Variants in GDAP1 observed in about 807,000 individuals in gnomAD.
GDAP1 encodes the protein ganglioside-induced differentiation-associated protein 1.
GDAP1 carries 34 observed loss-of-function variants against 40.1 expected under a neutral mutation model. That is an observed-to-expected ratio of 0.85 (90% CI 0.64 to 1.13). The LOEUF is 1.13. Among genes scored for constraint, GDAP1 ranks in the 50% most tolerant of loss-of-function variants. GDAP1 has a pLI of 0.00. For missense variants in GDAP1, 374 were observed against 433.7 expected, an observed-to-expected ratio of 0.86 and a Z score of 1.22; for synonymous variants, 170 against 157.4, an observed-to-expected ratio of 1.08 and a Z score of -0.60.
chr8:74,353,986 A>G (rs11986639), intron 2 of GDAP1, among the ~76,000 whole-genome samples: 6,333 of 152,222 alleles, frequency 0.042, 435 homozygotes, highest in African/African-American at 0.14. Flanking sequence ...TGTGCCAGGC[A>G]TGGTTCTAGA....
chr8:74,364,720 G>T lies in GDAP1; in HGVS notation c.*353G>T, dbSNP rs1027109078. ...TCACATTTAGTTACTTGTGGCTACT[G>T]CCCACACATACACTTCTGTAATTGA... On this transcript the variant is annotated 3_prime_UTR_variant, in exon 6 of 6. Transcript: ENST00000220822. 33 of 470,976 alleles carry T rather than the reference G, an allele frequency of 7.0e-5. No homozygotes were observed. Among genetic ancestry groups the T allele is most frequent in the Middle Eastern group, 6.3e-4 (1 of 1,588 alleles). 29.2% of individuals were successfully genotyped at this position (470,976 alleles called of 1,614,324 possible).
intron 2 of GDAP1, among the ~76,000 whole-genome samples, chr8:74,428,425 A>AT (rs1411170153): frequency 7.3e-5 from 11 of 151,188 alleles, no homozygotes; most frequent in Admixed American, 2.0e-4. Context: ...GGGTGTCCAC[A>AT]TTTTACATGA....
At position 74,417,876 on chromosome 8, in the gene GDAP1, ATATC is replaced by A. The variant is rs1563463819; in HGVS notation, c.165+66560_165+66563del. The stretch of plus-strand genomic sequence containing the variant: ...CAAAGAATGTAAGATAAACACATGA[ATATC>A]TATCCTACTTTTATATGCTAGGAAT... On this transcript the variant is annotated intron_variant, in intron 2 of 2. Transcript: ENST00000523640. Among the ~76,000 whole-genome samples the A allele has an allele frequency of 4.6e-5, 7 of 152,308 alleles. No homozygotes were observed. The South Asian group carries it at 1.0e-3, about 23-fold the overall frequency.
Position 74,366,830 on chromosome 8 carries a change from A to G in GDAP1, c.*2463A>G, listed in dbSNP as rs9643686. 6.1e-4 allele frequency: 275 copies of G among 448,234 alleles called. 1 individual carries two copies. In the East Asian group the frequency reaches 0.015, roughly 24 times the overall value. The allele number at this position is 448,234 out of a possible 1,614,324, so 27.8% of individuals were successfully genotyped here. On this transcript the variant is annotated 3_prime_UTR_variant, in exon 6 of 6. Transcript: ENST00000220822. ...TAGAGAGACCAAGACACTATTCTGT[A>G]AGATCAATAAAAGTAATTGGAAAAT...
chr8:74,360,506 T>A (rs2131513358), intron 3 of GDAP1, among the ~76,000 whole-genome samples, 196 bp downstream of exon 3: 1 of 152,356 alleles, frequency 6.6e-6, no homozygotes, highest in South Asian at 2.1e-4. Context: ...ATTGGACATT[T>A]ATTGTCTATA....
At chr8:74,476,125 C>T (rs1806626068) in intron 2 of GDAP1, among the ~76,000 whole-genome samples, 1 of 152,020 alleles carries the variant, frequency 6.6e-6, no homozygotes. Flanking sequence ...TTTCTGTTTT[C>T]CTCTTGGTTG....
chr8:74,477,074 A>G (rs1360953564), intron 2 of GDAP1, among the ~76,000 whole-genome samples: 1 of 152,106 alleles, frequency 6.6e-6, no homozygotes, highest in Non-Finnish European at 1.5e-5. Context: ...TTGGTCTATC[A>G]TTCTGTTAAT....
At chr8:74,475,902 T>A (rs746956721) in intron 2 of GDAP1, among the ~76,000 whole-genome samples, 12 of 152,190 alleles carry the variant, frequency 7.9e-5, no homozygotes, top group Admixed American at 3.3e-4. Context: ...CTCATTATTA[T>A]TGTGTGGGAG....
In GDAP1 at chr8:74,364,137, G is replaced by T; in HGVS notation, c.847G>T (p.Val283Phe). ...RPNLETYYERVLKRKTFNKVL... is the reference protein window; with the variant it reads ...RPNLETYYERFLKRKTFNKVL... The stretch of plus-strand genomic sequence containing the variant: ...AAACTTGGAAACCTATTACGAGCGT[G>T]TCTTGAAGAGAAAAACATTTAACAA... Residue 283 changes from valine to phenylalanine, a missense_variant, in exon 6 of 6, where the codon GTC becomes TTC. Val to Phe is a conservative substitution (Grantham distance 50). Coordinates refer to ENST00000220822, the MANE Select transcript of GDAP1 (RefSeq NM_018972.4). 6.2e-7 allele frequency: 1 copy of T among 1,614,190 alleles called. No individual in the cohort carries two copies. Among genetic ancestry groups the T allele is most frequent in the Non-Finnish European group, 8.5e-7 (1 of 1,180,026 alleles).
At chr8:74,422,289 CTTT>C in intron 2 of GDAP1, among the ~76,000 whole-genome samples, 1 of 20,040 alleles carries the variant, frequency 5.0e-5, no homozygotes, top group South Asian at 2.2e-3. Flanking sequence ...TTTTTCTTTT[CTTT>C]CTTTCTTTCT....
rs888164350 is a variant in GDAP1 at position 74,464,273 on chromosome 8, G to A, written c.166-24405G>A. 7.2e-5 allele frequency among the ~76,000 whole-genome samples: 11 copies of A among 152,184 alleles called. 1 individual carries two copies. The South Asian group carries it at 2.3e-3, about 32-fold the overall frequency. ...CAAAATACAGTGCCAATAGGGGAGTGTCAAATTCCGGGTTAATTTAAGCTA... is the reference window on the plus strand; with the variant it reads ...CAAAATACAGTGCCAATAGGGGAGTATCAAATTCCGGGTTAATTTAAGCTA... On this transcript the variant is annotated intron_variant, in intron 2 of 2. Transcript: ENST00000523640.
chr8:74,354,243 A>G (rs1038364611), intron 2 of GDAP1, among the ~76,000 whole-genome samples: 2 of 152,226 alleles, frequency 1.3e-5, no homozygotes, highest in Non-Finnish European at 2.9e-5. Flanking sequence ...TGTAAGTACC[A>G]TGAGGTTGGG....
At chr8:74,483,760 T>C (rs1396418576) in intron 2 of GDAP1, among the ~76,000 whole-genome samples, 2 of 152,188 alleles carry the variant, frequency 1.3e-5, no homozygotes, top group Non-Finnish European at 2.9e-5. Flanking sequence ...ACTCCAGTTA[T>C]ATTGGAATAG....
intron 2 of GDAP1, among the ~76,000 whole-genome samples, chr8:74,400,251 A>G (rs1011280701): frequency 6.7e-6 from 1 of 149,952 alleles, no homozygotes; most frequent in Non-Finnish European, 1.5e-5. Flanking sequence ...GGGTACATAT[A>G]TATTTAGGAT....
In GDAP1 at chr8:74,364,662, A is replaced by G. The variant is rs1357357115; in HGVS notation, c.*295A>G. ...TAGAAAGTAAGCTTCGGGTGCCTCCAACGTTCATGGCTGCCTGTCTCATTG... is the reference window on the plus strand; with the variant it reads ...TAGAAAGTAAGCTTCGGGTGCCTCCGACGTTCATGGCTGCCTGTCTCATTG... On this transcript the variant is annotated 3_prime_UTR_variant, in exon 6 of 6. Coordinates refer to ENST00000220822, the MANE Select transcript of GDAP1 (RefSeq NM_018972.4). The G allele has an allele frequency of 7.7e-6, 4 of 522,058 alleles. No homozygotes were observed. The highest frequency in any genetic ancestry group is 6.7e-5 in the Admixed American group (3 of 44,536). The allele number at this position is 522,058 out of a possible 1,614,324, so 32.3% of individuals were successfully genotyped here. A position where few individuals can be genotyped will look rare whatever the true frequency, so the allele number is the denominator to read the frequency against.
At chr8:74,481,484 A>G (rs979837853) in intron 2 of GDAP1, among the ~76,000 whole-genome samples, 1 of 152,232 alleles carries the variant, frequency 6.6e-6, no homozygotes, top group African/African-American at 2.4e-5. Flanking sequence ...TTTTCTTCCT[A>G]TAACTAAAAA....
intron 2 of GDAP1, among the ~76,000 whole-genome samples, chr8:74,443,769 C>G (rs1381634233): frequency 6.6e-6 from 1 of 152,178 alleles, no homozygotes; most frequent in African/African-American, 2.4e-5. Flanking sequence ...CTTAGTCATT[C>G]TTTTTTCCAC....
At chr8:74,416,944 A>G (rs1427794173) in intron 2 of GDAP1, among the ~76,000 whole-genome samples, 1 of 70,106 alleles carries the variant, frequency 1.4e-5, no homozygotes, top group African/African-American at 6.2e-5. Context: ...TTTTTTTTTT[A>G]ACAGAGGCAT....
chr8:74,396,393 A>C (rs1208861567), intron 2 of GDAP1, among the ~76,000 whole-genome samples: 1 of 151,286 alleles, frequency 6.6e-6, no homozygotes, highest in Non-Finnish European at 1.5e-5. Context: ...TTTAGGGTAC[A>C]TGTGCACAAT....
Sources: gnomAD v4.1 joint callset for allele counts (sites outside exome capture counted in the v4.1 genomes callset) on GRCh38, gnomAD v4.1.1 for gene constraint, MANE v1.5 for transcripts, NCBI Gene and HGNC (gene_info 2026-07-23, HGNC 2026-07-21) for gene names.